Variants in ABCA7 observed in about 807,000 individuals in gnomAD.
ABCA7 encodes ATP binding cassette subfamily A member 7, also known as phospholipid-transporting ATPase ABCA7.
ABCA7 carries 261 observed loss-of-function variants against 227.6 expected under a neutral mutation model. That is an observed-to-expected ratio of 1.15 (90% CI 1.04 to 1.27). The LOEUF is 1.27. Among genes scored for constraint, ABCA7 ranks in the 50% most tolerant of loss-of-function variants. ABCA7 has a pLI of 0.00. For synonymous variants in ABCA7, 1,488 were observed against 1,279.7 expected, an observed-to-expected ratio of 1.16 and a Z score of -3.47; for missense variants, 3,331 against 2,924.5, an observed-to-expected ratio of 1.14 and a Z score of -3.21.
intron 1 of ABCA7, among the ~76,000 whole-genome samples, chr19:1,040,758 G>T (rs932508244): frequency 3.3e-5 from 5 of 152,106 alleles, no homozygotes; most frequent in African/African-American, 1.2e-4. Flanking sequence ...AGCTGGGGTC[G>T]TGCCTCCAGC....
At chr19:1,061,471 C>T (rs539515507) in intron 40 of ABCA7, among the ~76,000 whole-genome samples, 41 of 148,122 alleles carry the variant, frequency 2.8e-4, no homozygotes, top group African/African-American at 7.1e-4. Flanking sequence ...TCAAGGCAGG[C>T]GGATCACAAG....
Position 1,058,189 on chromosome 19 carries a change from T to C in ABCA7, c.5069T>C (p.Ile1690Thr), listed in dbSNP as rs184218896. ...CGGATCTTGAAACAGGTCTTCCTTA[T>C]CTTCCCCCACTTCTGCTTGGGCCGG... Reference protein sequence around the residue: ...VSRILKQVFLIFPHFCLGRGL... With the variant: ...VSRILKQVFLTFPHFCLGRGL... The change falls in exon 37 of 47, where the codon ATC becomes ACC. Residue 1690 changes from isoleucine to threonine, a missense_variant. Ile to Thr is a moderately conservative substitution (Grantham distance 89, BLOSUM62 -1). Coordinates refer to ENST00000263094, the MANE Select transcript of ABCA7 (RefSeq NM_019112.4). 440 of 1,613,764 alleles carry C rather than the reference T, an allele frequency of 2.7e-4. 6 individuals are homozygous for C. The East Asian group carries it at 9.7e-3, about 35-fold the overall frequency.
rs749962096 is a variant in ABCA7, at chr19:1,047,468, G to A, written c.2083G>A (p.Val695Met). 7.1e-6 allele frequency: 11 copies of A among 1,554,988 alleles called. No homozygotes were observed. The Admixed American group carries it at 1.3e-4, about 18-fold the overall frequency. The part of the protein sequence containing the change: ...GRVAASLLSP[V>M]AFGFGCESLA... ...TTTTCCGCAGAGCCTGCTGTCGCCC[G>A]TGGCCTTCGGCTTCGGCTGCGAGAG... Residue 695 changes from valine to methionine, a missense_variant, in exon 16 of 47, where the codon GTG (valine) becomes ATG (methionine). Coordinates refer to ENST00000263094, the MANE Select transcript of ABCA7 (RefSeq NM_019112.4).
chr19:1,051,990 T>C lies in ABCA7; in HGVS notation c.3011T>C (p.Leu1004Pro). Reference protein sequence around the residue: ...STHHLDEAELLGDRVAVVAGG... With the variant: ...STHHLDEAELPGDRVAVVAGG... Reference sequence around the variant, plus strand: ...CACCACCTGGATGAGGCAGAGCTGCTGGGAGACCGTGTGGCCGTGGTGGCA... The same window carrying C: ...CACCACCTGGATGAGGCAGAGCTGCCGGGAGACCGTGTGGCCGTGGTGGCA... The change falls in exon 22 of 47, where the codon CTG becomes CCG. Residue 1004 changes from leucine to proline, a missense_variant. Physicochemically the swap from Leu to Pro is moderately conservative, Grantham distance 98. Transcript: ENST00000263094. 1 of 1,612,260 alleles carries C rather than the reference T, an allele frequency of 6.2e-7. No individual in the cohort carries two copies. The highest frequency in any genetic ancestry group is 8.5e-7 in the Non-Finnish European group (1 of 1,179,916).
At chr19:1,049,150 G>C (rs562255475) in intron 17 of ABCA7, 116 bp from the exon 18 acceptor site, 8 of 1,280,760 alleles carry the variant, frequency 6.2e-6, no homozygotes, top group Non-Finnish European at 8.7e-6. Context: ...CCAAGCTCCC[G>C]CAGCTTTTAT....
rs201587111 is a variant in ABCA7, at chr19:1,054,155, C to A, written c.3578-38C>A. ...CCTGGGGTCCTCCCAGCCACCCCCC[C>A]ACAGCAGCGTGAGCACTGACCCTCT... On this transcript the variant is annotated intron_variant, in intron 26 of 46. Transcript: ENST00000263094. This position sits in a 1 kb window ranked among gnomAD's most constrained non-coding sequence, Gnocchi z 4.8. The A allele has an allele frequency of 6.1e-5, 98 of 1,612,246 alleles. No individual in the cohort carries two copies. Among genetic ancestry groups the A allele is most frequent in the Admixed American group, 5.0e-4 (30 of 59,964 alleles).
At chr19:1,063,019 C>T (rs1276463760) in intron 42 of ABCA7, among the ~76,000 whole-genome samples, 48 of 95,846 alleles carry the variant, frequency 5.0e-4, no homozygotes, top group Non-Finnish European at 1.1e-3. Flanking sequence ...GCTCCACCCA[C>T]ACCATGGCCC....
At chr19:1,064,122 C>A in intron 44 of ABCA7, 39 bp from the exon 45 acceptor site, 4 of 1,518,304 alleles carry the variant, frequency 2.6e-6, no homozygotes, top group Non-Finnish European at 3.5e-6. Flanking sequence ...GCACAGGTGG[C>A]CCCGGCCTCA....
rs547618420 is a variant in ABCA7 at position 1,041,763 on chromosome 19, C to T, written c.161-68C>T. 6 of 1,590,740 alleles carry T rather than the reference C, an allele frequency of 3.8e-6. No individual in the cohort carries two copies. In the Admixed American group the frequency reaches 7.0e-5, roughly 19 times the overall value. Reference sequence around the variant, plus strand: ...ATCGCTGGAGGCATGCAAGCGGTGCCGGGCGACCCGATGGGGGTGGAGTCA... The same window carrying T: ...ATCGCTGGAGGCATGCAAGCGGTGCTGGGCGACCCGATGGGGGTGGAGTCA... On this transcript the variant is annotated intron_variant, in intron 3 of 46. Transcript: ENST00000263094.
chr19:1,041,938 G>A lies in ABCA7; in HGVS notation c.268G>A (p.Glu90Lys), dbSNP rs766893839. 1.9e-6 allele frequency: 3 copies of A among 1,592,074 alleles called. No individual in the cohort carries two copies. The highest frequency in any genetic ancestry group is 1.8e-5 in the Admixed American group (1 of 56,988). The part of the protein sequence containing the change: ...TCFPQLTPGE[E>K]PGRLSNFNDS... Reference sequence around the variant, plus strand: ...CTTTCCGCAGCTGACACCGGGCGAGGAGCCCGGGCGCCTGAGCAACTTCAA... The same window carrying A: ...CTTTCCGCAGCTGACACCGGGCGAGAAGCCCGGGCGCCTGAGCAACTTCAA... Residue 90 changes from glutamate to lysine, a missense_variant, in exon 4 of 47, where the codon GAG becomes AAG. By Grantham distance (56) the Glu-to-Lys change is moderately conservative. Coordinates refer to ENST00000263094, the MANE Select transcript of ABCA7 (RefSeq NM_019112.4).
intron 18 of ABCA7, 68 bp from the exon 19 acceptor site, chr19:1,050,853 A>G: frequency 8.0e-7 from 1 of 1,256,500 alleles, no homozygotes. Flanking sequence ...CAGAAATTAA[A>G]AATAGAAGCT....
chr19:1,065,149 TGAGCCAGAC>T lies in ABCA7; in HGVS notation c.6266_6274del (p.Ser2089_Thr2091del). The T allele has an allele frequency of 6.3e-7, 1 of 1,591,900 alleles. No homozygotes were observed. The highest frequency in any genetic ancestry group is 8.6e-7 in the Non-Finnish European group (1 of 1,166,678). ...GAGCACGGCGTGGAGGACTTTTCCG[TGAGCCAGAC>T]GATGCTGGAGGAGGTGATCACGGCG... On this transcript the variant is annotated inframe_deletion, in exon 46 of 47. Coordinates refer to ENST00000263094, the MANE Select transcript of ABCA7 (RefSeq NM_019112.4).
rs529450252 is a variant in ABCA7, at chr19:1,046,510, A to T, written c.1622+104A>T. The T allele has an allele frequency of 1.4e-5, 21 of 1,458,732 alleles. No homozygotes were observed. The South Asian group carries it at 2.6e-4, about 18-fold the overall frequency. The allele number at this position is 1,458,732 out of a possible 1,614,324, so 90.4% of individuals were successfully genotyped here. On this transcript the variant is annotated intron_variant, in intron 13 of 46. Transcript: ENST00000263094. Reference sequence around the variant, plus strand: ...GAACCTTCCTGCGGTCCAGGCTGCGAACTTTGCACCTTTACACCACTCCAC... The same window carrying T: ...GAACCTTCCTGCGGTCCAGGCTGCGTACTTTGCACCTTTACACCACTCCAC...
chr19:1,052,129 G>A lies in ABCA7; in HGVS notation c.3147+3G>A, dbSNP rs1568337247. ...TGCCCCTGACCACCAATGAGAAGGT[G>A]GGGACCGGCCTTCTCCTGACCCCTG... On this transcript the variant is annotated splice_donor_region_variant and intron_variant, in intron 22 of 46. Coordinates refer to ENST00000263094, the MANE Select transcript of ABCA7 (RefSeq NM_019112.4). 5 of 1,611,934 alleles carry A rather than the reference G, an allele frequency of 3.1e-6. No homozygotes were observed. Among genetic ancestry groups the A allele is most frequent in the African/African-American group, 2.7e-5 (2 of 74,902 alleles).
chr19:1,056,540 A>G lies in ABCA7; in HGVS notation c.4586+41A>G. The G allele has an allele frequency of 6.4e-7, 1 of 1,564,856 alleles. No individual in the cohort carries two copies. Among genetic ancestry groups the G allele is most frequent in the South Asian group, 1.1e-5 (1 of 87,898 alleles). On this transcript the variant is annotated intron_variant, in intron 33 of 46. Transcript: ENST00000263094. This position sits in a 1 kb window ranked among gnomAD's most constrained non-coding sequence, Gnocchi z 4.3. ...CTGCATGTCCTACCCTGCACGTCCT[A>G]CCCTGCCTCCATTTCTCTGTCGTTT...
At position 1,053,508 on chromosome 19, in the gene ABCA7, A is replaced by T; in HGVS notation, c.3400A>T (p.Ile1134Phe). ...LAELRLTGYG[I>F]SDTSLEEIFL... ...GGAGCTGAGGCTCACTGGCTACGGG[A>T]TCTCCGACACCAGCCTCGAGGAGGT... is the stretch of plus-strand genomic sequence containing the variant. The change falls in exon 24 of 47, where the codon ATC (isoleucine) becomes TTC (phenylalanine). Residue 1134 changes from isoleucine (I) to phenylalanine (F), a missense_variant. Ile to Phe is a conservative substitution (Grantham distance 21, BLOSUM62 0). Coordinates refer to ENST00000263094, the MANE Select transcript of ABCA7 (RefSeq NM_019112.4). 6.4e-7 allele frequency: 1 copy of T among 1,573,240 alleles called. No homozygotes were observed. The highest frequency in any genetic ancestry group is 8.6e-7 in the Non-Finnish European group (1 of 1,164,324).
At chr19:1,041,647 G>T in intron 3 of ABCA7, 44 bp downstream of exon 3, 2 of 1,596,270 alleles carry the variant, frequency 1.3e-6, no homozygotes, top group Non-Finnish European at 8.5e-7. Flanking sequence ...TGTAGGGGAA[G>T]GCAGATGGCT....
At position 1,054,675 on chromosome 19, in the gene ABCA7, G is replaced by T. The variant is rs775219500; in HGVS notation, c.3832G>T (p.Ala1278Ser). The T allele has an allele frequency of 6.2e-7, 1 of 1,613,044 alleles. No homozygotes were observed. Among genetic ancestry groups the T allele is most frequent in the South Asian group, 1.1e-5 (1 of 91,076 alleles). Residue 1278 changes from alanine to serine, a missense_variant, in exon 28 of 47, where the codon GCT becomes TCT. Coordinates refer to ENST00000263094, the MANE Select transcript of ABCA7 (RefSeq NM_019112.4). The surrounding 1 kb of genome is among the most constrained non-coding windows in gnomAD (Gnocchi z 4.8). ...GCGGCTCAGTCCCACCATGTACGGT[G>T]CTCAGGTGTCCTTCTTCAGGTGGGT... ...ALRLSPTMYG[A>S]QVSFFSEDAP...
intron 18 of ABCA7, 39 bp downstream of exon 18, chr19:1,049,476 C>T: frequency 1.0e-6 from 1 of 954,056 alleles, no homozygotes; most frequent in South Asian, 2.8e-5. Flanking sequence ...AGCCCCCCCA[C>T]TCCCACCCCG....
Sources: allele counts gnomAD v4.1 joint callset (sites outside exome capture counted in the v4.1 genomes callset), GRCh38; gene constraint gnomAD v4.1.1; non-coding constraint Gnocchi (gnomAD v3.1); transcripts MANE v1.5; gene names NCBI Gene and HGNC (gene_info 2026-07-23, HGNC 2026-07-21).